Variants in AP3S2 observed in about 807,000 individuals in gnomAD.
AP3S2 encodes adaptor related protein complex 3 subunit sigma 2.
AP3S2 carries 22 observed loss-of-function variants against 23.4 expected under a neutral mutation model. The observed-to-expected ratio is 0.94, with a 90% CI of 0.67 to 1.34. The LOEUF (loss-of-function observed/expected upper bound fraction) is 1.34. Among genes scored for constraint, AP3S2 ranks in the 40% most tolerant of loss-of-function variants. The probability of loss-of-function intolerance (pLI) is 0.00; values close to 1 mark genes in which losing one functional copy is unlikely to be tolerated. For synonymous variants in AP3S2, 86 were observed against 87.1 expected, an observed-to-expected ratio of 0.99 and a Z score of 0.07; for missense variants, 241 against 236.9, an observed-to-expected ratio of 1.02 and a Z score of -0.11.
At chr15:89,877,010 A>T (rs1249464874) in intron 3 of AP3S2, 3 of 275,686 alleles carry the variant, frequency 1.1e-5, no homozygotes, top group Non-Finnish European at 2.1e-5. Flanking sequence ...AGAGGAAAAA[A>T]GTCAAGGCAA....
chr15:89,852,554 C>T (rs1895684206), intron 4 of AP3S2: 1 of 152,228 alleles, frequency 6.6e-6, no homozygotes, highest in Non-Finnish European at 1.5e-5. Context: ...TAATTTCCAC[C>T]CCCGATCCTA....
intron 4 of AP3S2, among the ~76,000 whole-genome samples, chr15:89,841,185 C>A (rs2141837921): frequency 6.6e-6 from 1 of 152,258 alleles, no homozygotes; most frequent in South Asian, 2.1e-4. Context: ...CAGAAAAAGT[C>A]AGTTAAAACT....
intron 3 of AP3S2, among the ~76,000 whole-genome samples, chr15:89,874,527 C>T (rs1222623452): frequency 1.3e-5 from 2 of 152,172 alleles, no homozygotes; most frequent in Admixed American, 1.3e-4. Context: ...ATAATCCCAA[C>T]ACTTTGGGCA....
intron 3 of AP3S2, among the ~76,000 whole-genome samples, chr15:89,882,222 C>A (rs1896586792): frequency 6.6e-6 from 1 of 151,992 alleles, no homozygotes; most frequent in African/African-American, 2.4e-5. Context: ...ATAGGCACAA[C>A]CGTTTGCATA....
intron 4 of AP3S2, among the ~76,000 whole-genome samples, chr15:89,844,266 TCTTTCTCTCTCTCTCTC>T: frequency 6.9e-5 from 1 of 14,404 alleles, no homozygotes; most frequent in Non-Finnish European, 1.4e-4. Context: ...TTTCTTTCTT[TCTTTCTCTCTCTCTCTC>T]TTTCTTTCTT....
rs746466965 is a variant in AP3S2, at chr15:89,889,041, C to G, written c.161+8G>C. On this transcript the variant is annotated splice_region_variant and intron_variant, in intron 2 of 5. Transcript: ENST00000336418. Reference sequence around the variant, plus strand: ...TATATGGGGAGAAAAATGAAGCTGACAGTTTACCTTCCACCCTCCAAGAAG... The same window carrying G: ...TATATGGGGAGAAAAATGAAGCTGAGAGTTTACCTTCCACCCTCCAAGAAG... 6.2e-7 allele frequency: 1 copy of G among 1,614,002 alleles called. No individual in the cohort carries two copies. The highest frequency in any genetic ancestry group is 1.3e-5 in the African/African-American group (1 of 74,906).
chr15:89,856,200 C>T (rs1482252911), intron 4 of AP3S2, among the ~76,000 whole-genome samples: 1 of 152,150 alleles, frequency 6.6e-6, no homozygotes, highest in Non-Finnish European at 1.5e-5. Context: ...AGTGAGCCCA[C>T]CCCGAAACTA....
chr15:89,835,500 G>GC lies in AP3S2; in HGVS notation c.*14dup. 6.2e-7 allele frequency: 1 copy of GC among 1,612,966 alleles called. No homozygotes were observed. The highest frequency in any genetic ancestry group is 2.2e-5 in the East Asian group (1 of 44,848). On this transcript the variant is annotated 3_prime_UTR_variant, in exon 6 of 6. Transcript: ENST00000336418. ...GCTTGTCTTAAGGACTCTATTTCAG[G>GC]CCAATACTTGATCCTCAGACAAACT...
intron 1 of AP3S2, chr15:89,893,567 C>T (rs1056926776): frequency 1.4e-5 from 6 of 417,462 alleles, no homozygotes; most frequent in Non-Finnish European, 2.5e-5. Flanking sequence ...TTCAATCACT[C>T]AAGTTCTCAT....
chr15:89,834,899 CAA>C lies in AP3S2; in HGVS notation c.*614_*615del, dbSNP rs3837696. ...TGGGTGACAGAGCAAGACTCCACCT[CAA>C]AAAAAAAAAACCACAAAAAAACACA... On this transcript the variant is annotated 3_prime_UTR_variant, in exon 6 of 6. Transcript: ENST00000336418. The C allele has an allele frequency of 1.5e-5, 2 of 135,692 alleles. No individual in the cohort carries two copies. Among genetic ancestry groups the C allele is most frequent in the African/African-American group, 2.7e-5 (1 of 36,886 alleles). 8.4% of individuals were successfully genotyped at this position (135,692 alleles called of 1,614,324 possible).
intron 4 of AP3S2, among the ~76,000 whole-genome samples, chr15:89,862,900 A>T (rs1331954076): frequency 2.6e-5 from 4 of 151,878 alleles, no homozygotes; most frequent in Non-Finnish European, 4.4e-5. Flanking sequence ...GAGCATGAAA[A>T]TTTTTTTTTA....
At chr15:89,863,868 T>C (rs1296381188) in intron 4 of AP3S2, among the ~76,000 whole-genome samples, 1 of 152,196 alleles carries the variant, frequency 6.6e-6, no homozygotes, top group African/African-American at 2.4e-5. Context: ...TTTGCCTATC[T>C]TAGTAAAAAG....
Position 89,848,063 on chromosome 15 carries a change from T to C in AP3S2, c.346-10341A>G, listed in dbSNP as rs76983608. ...TGTTAATGCATGCCACATCCCAAGC[T>C]TAATCGAATCCATAGAAACCTCTAA... On this transcript the variant is annotated intron_variant, in intron 4 of 5. Coordinates refer to ENST00000336418, the MANE Select transcript of AP3S2 (RefSeq NM_005829.5). 7.0e-4 allele frequency among the ~76,000 whole-genome samples: 107 copies of C among 152,340 alleles called. 1 individual carries two copies. Among genetic ancestry groups the C allele is most frequent in the Non-Finnish European group, 1.3e-3 (88 of 68,042 alleles).
chr15:89,893,223 G>A (rs1282864660), intron 1 of AP3S2: 2 of 152,514 alleles, frequency 1.3e-5, no homozygotes, highest in Non-Finnish European at 2.9e-5. Flanking sequence ...CTGCCATGAA[G>A]AAATATAATC....
At chr15:89,874,210 CCTT>C (rs1333382193) in intron 3 of AP3S2, among the ~76,000 whole-genome samples, 19 of 150,918 alleles carry the variant, frequency 1.3e-4, no homozygotes, top group East Asian at 5.8e-4. Context: ...CATTTTATCT[CCTT>C]CTTCTATGTT....
chr15:89,842,722 C>T lies in AP3S2; in HGVS notation c.346-5000G>A, dbSNP rs1895360044. Among the ~76,000 whole-genome samples the T allele has an allele frequency of 2.0e-5, 3 of 152,262 alleles. No homozygotes were observed. In the South Asian group the frequency reaches 6.2e-4, roughly 32 times the overall value. ...CCACCTCCTGGGTTCAAGCGATTCT[C>T]CTGCCTCAGCCTCCCAAGTAGCTGG... On this transcript the variant is annotated intron_variant, in intron 4 of 5. Transcript: ENST00000336418.
intron 3 of AP3S2, among the ~76,000 whole-genome samples, chr15:89,884,840 A>G (rs1866475): frequency 0.72 from 108,617 of 151,818 alleles, 39,069 homozygotes; most frequent in East Asian, 0.8. Context: ...AGTAGAGACA[A>G]GGTTTCACCA....
chr15:89,871,433 T>C, intron 4 of AP3S2, 42 bp downstream of exon 4: 3 of 1,581,912 alleles, frequency 1.9e-6, no homozygotes, highest in Non-Finnish European at 2.6e-6. Flanking sequence ...CTCTTGGTTT[T>C]CTAGTAACCC....
chr15:89,886,882 C>T (rs1023607591), intron 3 of AP3S2, among the ~76,000 whole-genome samples: 2 of 152,162 alleles, frequency 1.3e-5, no homozygotes, highest in African/African-American at 2.4e-5. Flanking sequence ...GCAACCTCCG[C>T]CTCCTGGGTT....
Sources: gnomAD v4.1 joint callset for allele counts (sites outside exome capture counted in the v4.1 genomes callset) on GRCh38, gnomAD v4.1.1 for gene constraint, MANE v1.5 for transcripts, NCBI Gene and HGNC (gene_info 2026-07-23, HGNC 2026-07-21) for gene names.